Variants in ICA1L observed in about 807,000 individuals in gnomAD.
ICA1L encodes islet cell autoantigen 1 like.
In ICA1L, 50 loss-of-function variants were observed where a neutral mutation model predicts 61.3. That is an observed-to-expected ratio of 0.82 (90% CI 0.65 to 1.03). The LOEUF (loss-of-function observed/expected upper bound fraction) is 1.03. Among genes scored for constraint, ICA1L ranks in the 50% least tolerant of loss-of-function variants. The pLI is 0.00. For synonymous variants in ICA1L, 161 were observed against 191.3 expected, an observed-to-expected ratio of 0.84 and a Z score of 1.31; for missense variants, 508 against 556.7, an observed-to-expected ratio of 0.91 and a Z score of 0.88.
chr2:202,808,328 TAGCC>T (rs1470892659), intron 9 of ICA1L, among the ~76,000 whole-genome samples: 1 of 152,052 alleles, frequency 6.6e-6, no homozygotes, highest in Non-Finnish European at 1.5e-5. Flanking sequence ...GTATCAGCGA[TAGCC>T]AGGCAGTACC....
chr2:202,820,374 C>CA (rs372412225), intron 4 of ICA1L, among the ~76,000 whole-genome samples: 241 of 108,356 alleles, frequency 2.2e-3, no homozygotes, highest in Middle Eastern at 4.6e-3. Flanking sequence ...AACTCCATCT[C>CA]AAAAAAAAAA....
intron 1 of ICA1L, among the ~76,000 whole-genome samples, chr2:202,860,778 C>G (rs1694889314): frequency 6.6e-6 from 1 of 151,994 alleles, no homozygotes; most frequent in African/African-American, 2.4e-5. Context: ...AAGAAACATA[C>G]TTTAAACACA....
intron 2 of ICA1L, among the ~76,000 whole-genome samples, chr2:202,827,345 A>G (rs1450455139): frequency 3.3e-5 from 5 of 151,984 alleles, no homozygotes; most frequent in Non-Finnish European, 5.9e-5. Flanking sequence ...GTGAGCCAAG[A>G]TCGTGCCACT....
In ICA1L at chr2:202,779,587, T is replaced by C. The variant is rs1198342827; in HGVS notation, c.1395A>G (p.Pro465=). 3.7e-6 allele frequency: 6 copies of C among 1,613,620 alleles called. No individual in the cohort carries two copies. Among genetic ancestry groups the C allele is most frequent in the Non-Finnish European group, 5.1e-6 (6 of 1,179,878 alleles). ...GTCCAATAGCATCTGGGTTTGAAAGTGGATCCAAGTCTGCAAACAGATTGA... is the reference window on the plus strand; with the variant it reads ...GTCCAATAGCATCTGGGTTTGAAAGCGGATCCAAGTCTGCAAACAGATTGA... The part of the protein sequence containing the change: ...AWFNLFADLD[P]LSNPDAIGHS... Residue 465 remains proline (P), a synonymous_variant, in exon 13 of 13, where the codon CCA becomes CCG. Transcript: ENST00000358299.
intron 1 of ICA1L, chr2:202,869,492 T>C (rs781465532): frequency 6.6e-6 from 1 of 152,100 alleles, no homozygotes; most frequent in Non-Finnish European, 1.5e-5. Context: ...AAAATATAAT[T>C]TAAAAAACAC....
intron 1 of ICA1L, chr2:202,871,030 G>A (rs1004155049): frequency 6.6e-6 from 1 of 152,252 alleles, no homozygotes; most frequent in South Asian, 2.1e-4. Flanking sequence ...GGAGCCCCTC[G>A]CGGGCCCGTG....
rs191815889 is a variant in ICA1L, at chr2:202,793,035, G to T, written c.985+3855C>A. ...AAACAAGCATGAGAGAATTTGGGGGGTAATGGAAACATTCTAATATCCAAC... is the reference window on the plus strand; with the variant it reads ...AAACAAGCATGAGAGAATTTGGGGGTTAATGGAAACATTCTAATATCCAAC... On this transcript the variant is annotated intron_variant, in intron 10 of 12. Coordinates refer to ENST00000358299, the MANE Select transcript of ICA1L (RefSeq NM_001288622.3). Among the ~76,000 whole-genome samples the T allele has an allele frequency of 4.5e-4, 69 of 152,178 alleles. No homozygotes were observed. In the East Asian group the frequency reaches 0.013, roughly 28 times the overall value.
Position 202,774,270 on chromosome 2 carries a change from C to A in ICA1L, c.*5263G>T. ...CTCCTGTCGGCCAAAGGCCGTGACC[C>A]CGACGCGTGCAGGCACCTACGGGCG... On this transcript the variant is annotated 3_prime_UTR_variant, in exon 13 of 13. Transcript: ENST00000358299. 1 of 1,544,174 alleles carries A rather than the reference C, an allele frequency of 6.5e-7. No homozygotes were observed. Among genetic ancestry groups the A allele is most frequent in the South Asian group, 1.2e-5 (1 of 83,662 alleles).
In ICA1L at chr2:202,811,729, T is replaced by C; in HGVS notation, c.910+17A>G. ...TTAAAATGTGACCATTTCAAAGTAA[T>C]AAATTTACCATCTTACCTTGTTCAC... is the stretch of plus-strand genomic sequence containing the variant. On this transcript the variant is annotated intron_variant, in intron 9 of 12. Coordinates refer to ENST00000358299, the MANE Select transcript of ICA1L (RefSeq NM_001288622.3). 1 of 1,499,152 alleles carries C rather than the reference T, an allele frequency of 6.7e-7. No individual in the cohort carries two copies. Among genetic ancestry groups the C allele is most frequent in the Non-Finnish European group, 9.2e-7 (1 of 1,087,580 alleles). 92.9% of individuals were successfully genotyped at this position (1,499,152 alleles called of 1,614,324 possible).
intron 1 of ICA1L, among the ~76,000 whole-genome samples, chr2:202,833,574 C>A (rs1283718632): frequency 1.3e-5 from 2 of 151,822 alleles, no homozygotes; most frequent in Non-Finnish European, 2.9e-5. Context: ...GACAGAGTGA[C>A]AGCCTGTCTC....
rs777828426 is a variant in ICA1L at position 202,814,684 on chromosome 2, T to C, written c.866+18A>G. The C allele has an allele frequency of 1.9e-6, 3 of 1,563,288 alleles. No homozygotes were observed. The highest frequency in any genetic ancestry group is 2.2e-5 in the East Asian group (1 of 44,590). ...CAGGACTTCTATAACATGACACAGA[T>C]GACTTATGCCTGCTTACTTATTGAG... On this transcript the variant is annotated intron_variant, in intron 8 of 12. Transcript: ENST00000358299.
In ICA1L at chr2:202,785,963, C is replaced by T. The variant is rs1215437306; in HGVS notation, c.1288G>A (p.Asp430Asn). The change falls in exon 12 of 13, where the codon GAT (aspartate) becomes AAT (asparagine). Residue 430 changes from aspartate to asparagine, a missense_variant. Asp to Asn is a conservative substitution (Grantham distance 23, BLOSUM62 1). Transcript: ENST00000358299. The stretch of plus-strand genomic sequence containing the variant: ...CTCTGTGAAGGCACTGGCTGGTTAT[C>T]AGTGTGTGAAAGACAAAGTTCTGAT... The part of the protein sequence containing the change: ...EESELCLSHT[D>N]NQPVPSQSPK... The T allele has an allele frequency of 6.2e-7, 1 of 1,610,066 alleles. No individual in the cohort carries two copies. Among genetic ancestry groups the T allele is most frequent in the Non-Finnish European group, 8.5e-7 (1 of 1,177,158 alleles).
chr2:202,846,550 A>G (rs1482491406), intron 1 of ICA1L, among the ~76,000 whole-genome samples: 1 of 152,160 alleles, frequency 6.6e-6, no homozygotes, highest in Non-Finnish European at 1.5e-5. Flanking sequence ...AACTCAGGGA[A>G]ACACTCAGAG....
At chr2:202,824,441 G>T (rs1438110721) in intron 3 of ICA1L, among the ~76,000 whole-genome samples, 3 of 152,016 alleles carry the variant, frequency 2.0e-5, no homozygotes, top group African/African-American at 7.2e-5. Flanking sequence ...ATACTCTAGT[G>T]GTGGGAAGAA....
intron 1 of ICA1L, among the ~76,000 whole-genome samples, chr2:202,868,125 AT>A (rs1270651863): frequency 2.0e-5 from 3 of 152,150 alleles, no homozygotes; most frequent in Non-Finnish European, 4.4e-5. Flanking sequence ...ATATCACTGA[AT>A]TGTACACTTC....
chr2:202,863,509 A>G (rs1694976030), intron 1 of ICA1L, among the ~76,000 whole-genome samples: 1 of 151,930 alleles, frequency 6.6e-6, no homozygotes, highest in Non-Finnish European at 1.5e-5. Context: ...ACAAAGAAAG[A>G]AAAACATAAA....
Position 202,774,348 on chromosome 2 carries a change from G to C in ICA1L, c.*5185C>G. 2.9e-6 allele frequency: 4 copies of C among 1,382,648 alleles called. No individual in the cohort carries two copies. Among genetic ancestry groups the C allele is most frequent in the Non-Finnish European group, 3.7e-6 (4 of 1,075,864 alleles). The allele number at this position is 1,382,648 out of a possible 1,614,324, so 85.6% of individuals were successfully genotyped here. A position where few individuals can be genotyped will look rare whatever the true frequency, so the allele number is the denominator to read the frequency against. On this transcript the variant is annotated 3_prime_UTR_variant, in exon 13 of 13. Transcript: ENST00000358299. Reference sequence around the variant, plus strand: ...CGCAGCGCTGAGGCGAGCCTGCCGCGCGCTCCGCTCAGCGTGGTCTGGCAG... The same window carrying C: ...CGCAGCGCTGAGGCGAGCCTGCCGCCCGCTCCGCTCAGCGTGGTCTGGCAG...
chr2:202,815,356 A>G (rs569174109), intron 7 of ICA1L, among the ~76,000 whole-genome samples: 2 of 152,320 alleles, frequency 1.3e-5, no homozygotes, highest in Non-Finnish European at 2.9e-5. Context: ...CCAGCCAGCA[A>G]CACTTTCAAG....
intron 1 of ICA1L, among the ~76,000 whole-genome samples, chr2:202,853,619 G>A (rs1574381268): frequency 6.6e-6 from 1 of 151,722 alleles, no homozygotes; most frequent in East Asian, 1.9e-4. Context: ...TCTGACAAAG[G>A]GCTAATATCC....
Sources: allele counts gnomAD v4.1 joint callset (sites outside exome capture counted in the v4.1 genomes callset), GRCh38; gene constraint gnomAD v4.1.1; transcripts MANE v1.5; gene names NCBI Gene and HGNC (gene_info 2026-07-23, HGNC 2026-07-21).